Variants in MYO1B observed in about 807,000 individuals in gnomAD.
The protein encoded by MYO1B is myosin IB.
A neutral mutation model predicts 159.7 loss-of-function variants in MYO1B; 72 were observed. That is an observed-to-expected ratio of 0.45 (90% confidence interval 0.37 to 0.55). MYO1B has a LOEUF of 0.55. MYO1B is among the 20% of genes least tolerant of loss of function. The probability of loss-of-function intolerance (pLI) is 0.00; values close to 1 mark genes in which losing one functional copy is unlikely to be tolerated. For synonymous variants in MYO1B, 468 were observed against 473.8 expected (o/e 0.99, Z 0.16); for missense variants, 1,062 against 1,364.8 (o/e 0.78, Z 3.50).
chr2:191,310,729 G>T (rs1294098961), intron 3 of MYO1B, among the ~76,000 whole-genome samples: 2 of 152,212 alleles, frequency 1.3e-5, no homozygotes, highest in African/African-American at 2.4e-5. Flanking sequence ...GTAATAGGAG[G>T]AGAGTTTGGG....
At chr2:191,273,558 G>A (rs1483583322) in intron 1 of MYO1B, among the ~76,000 whole-genome samples, 1 of 152,196 alleles carries the variant, frequency 6.6e-6, no homozygotes, top group Admixed American at 6.5e-5. Flanking sequence ...CAGAGACAGA[G>A]AACCTTTGTC....
intron 1 of MYO1B, among the ~76,000 whole-genome samples, chr2:191,250,984 C>G (rs1686077043): frequency 6.6e-6 from 1 of 152,186 alleles, no homozygotes; most frequent in South Asian, 2.1e-4. Flanking sequence ...CCTTTGTCAC[C>G]TGAAGTCAGG....
intron 2 of MYO1B, among the ~76,000 whole-genome samples, chr2:191,285,099 CAT>C (rs1231993298): frequency 6.6e-6 from 1 of 152,156 alleles, no homozygotes; most frequent in Non-Finnish European, 1.5e-5. Context: ...ATTTTAAAGA[CAT>C]ATTGTAAATA....
chr2:191,397,937 C>CCAGG (rs1359533480), intron 21 of MYO1B, among the ~76,000 whole-genome samples: 9 of 548 alleles, frequency 0.016, 1 homozygote, highest in East Asian at 0.15. Flanking sequence ...GGGCGGCTGG[C>CCAGG]CGGGCGGGCC....
chr2:191,306,316 GAGACAGACCGAGCT>G (rs1689649327), intron 3 of MYO1B, among the ~76,000 whole-genome samples: 1 of 152,288 alleles, frequency 6.6e-6, no homozygotes, highest in African/African-American at 2.4e-5. Context: ...GTCTGAAGGG[GAGACAGACCGAGCT>G]AGAACAGCAT....
At chr2:191,361,228 T>TA (rs1176089614) in intron 8 of MYO1B, among the ~76,000 whole-genome samples, 1 of 152,182 alleles carries the variant, frequency 6.6e-6, no homozygotes, top group Non-Finnish European at 1.5e-5. Flanking sequence ...ATCATACATT[T>TA]AAAAAATAAA....
chr2:191,375,828 A>G (rs1453441204), intron 13 of MYO1B, among the ~76,000 whole-genome samples: 7 of 152,032 alleles, frequency 4.6e-5, no homozygotes, highest in Non-Finnish European at 2.9e-5. Flanking sequence ...GCATAGTGGC[A>G]TGCTCCTGTA....
chr2:191,294,940 A>G (rs557211847), intron 2 of MYO1B, among the ~76,000 whole-genome samples: 1 of 152,180 alleles, frequency 6.6e-6, no homozygotes, highest in Admixed American at 6.5e-5. Flanking sequence ...TTAATTTTCT[A>G]GAAATATCTG....
At chr2:191,257,033 C>A (rs556568445) in intron 1 of MYO1B, among the ~76,000 whole-genome samples, 5 of 152,082 alleles carry the variant, frequency 3.3e-5, no homozygotes, top group African/African-American at 9.6e-5. Context: ...CTCATTCAGT[C>A]CCCTCTTCCT....
Position 191,321,676 on chromosome 2 carries a change from C to T in MYO1B, c.252-8259C>T, listed in dbSNP as rs547553224. 7.2e-5 allele frequency among the ~76,000 whole-genome samples: 11 copies of T among 152,298 alleles called. No individual in the cohort carries two copies. In the South Asian group the frequency reaches 2.1e-3, roughly 29 times the overall value. On this transcript the variant is annotated intron_variant, in intron 3 of 30. Coordinates refer to ENST00000392318, the MANE Select transcript of MYO1B (RefSeq NM_001130158.3). ...CTGTCTGCTTCCTCCCAGCCTCTTT[C>T]CTTGCATATGCGTTGGGGTTCAGAT...
rs16833676 is a variant in MYO1B at position 191,414,211 on chromosome 2, A to C, written c.3006+31A>C. 2.9e-3 allele frequency: 4,683 copies of C among 1,595,054 alleles called. 119 individuals carry two copies. In the African/African-American group the frequency reaches 0.055, roughly 19 times the overall value. ...AATGCTAACCTTGAAGACTGATAAG[A>C]AGTACCTATTAGTTGGGATAGTCAC... On this transcript the variant is annotated intron_variant, in intron 28 of 30. Transcript: ENST00000392318.
chr2:191,341,512 C>CT lies in MYO1B; in HGVS notation c.398_399insT (p.Glu134ArgfsTer3). ...GTGGCAGCTGTTTGTGGAAAAGGAG[C>CT]AGAAGTTAATCAAGTTAAAGAACAG... On this transcript the variant is annotated frameshift_variant, in exon 5 of 31. Transcript: ENST00000392318. LOFTEE classifies it high-confidence loss of function. The CT allele has an allele frequency of 6.2e-7, 1 of 1,613,902 alleles. No homozygotes were observed. Among genetic ancestry groups the CT allele is most frequent in the Non-Finnish European group, 8.5e-7 (1 of 1,179,920 alleles).
chr2:191,305,017 A>C (rs574341786), intron 3 of MYO1B, among the ~76,000 whole-genome samples: 1 of 152,210 alleles, frequency 6.6e-6, no homozygotes, highest in Non-Finnish European at 1.5e-5. Flanking sequence ...ACAGACTCTG[A>C]GAAGTTCTGC....
chr2:191,330,730 A>G (rs1407483822), intron 4 of MYO1B, among the ~76,000 whole-genome samples: 1 of 152,192 alleles, frequency 6.6e-6, no homozygotes, highest in Non-Finnish European at 1.5e-5. Context: ...TTTTGATGGA[A>G]CTGATGAGTC....
At chr2:191,356,396 CAG>C (rs1693292262) in intron 7 of MYO1B, among the ~76,000 whole-genome samples, 1 of 132,462 alleles carries the variant, frequency 7.5e-6, no homozygotes, top group Non-Finnish European at 1.5e-5. Flanking sequence ...CTGAAGAAGA[CAG>C]AAGTAGTCAA....
chr2:191,333,800 G>T (rs1484956643), intron 4 of MYO1B, among the ~76,000 whole-genome samples: 1 of 152,098 alleles, frequency 6.6e-6, no homozygotes, highest in Non-Finnish European at 1.5e-5. Flanking sequence ...CCCCTTCCAT[G>T]TCACTAACCA....
At chr2:191,311,104 C>G (rs1201449680) in intron 3 of MYO1B, among the ~76,000 whole-genome samples, 1 of 152,186 alleles carries the variant, frequency 6.6e-6, no homozygotes, top group Non-Finnish European at 1.5e-5. Flanking sequence ...CATAGGTGAT[C>G]AGCTTGAGAT....
intron 1 of MYO1B, among the ~76,000 whole-genome samples, chr2:191,268,529 G>C (rs1278351399): frequency 6.6e-6 from 1 of 152,172 alleles, no homozygotes; most frequent in Non-Finnish European, 1.5e-5. Flanking sequence ...TATGAGGAAT[G>C]GTTATTGACA....
intron 1 of MYO1B, among the ~76,000 whole-genome samples, chr2:191,261,849 C>T (rs951360764): frequency 6.6e-6 from 1 of 151,962 alleles, no homozygotes; most frequent in Admixed American, 6.6e-5. Context: ...AGAAAAGGCT[C>T]CAGCACTATA....
Sources: allele counts gnomAD v4.1 joint callset (sites outside exome capture counted in the v4.1 genomes callset), GRCh38; gene constraint gnomAD v4.1.1; transcripts MANE v1.5; gene names NCBI Gene and HGNC (gene_info 2026-07-23, HGNC 2026-07-21).